The following SGCZ variants were observed in gnomAD, a reference collection of about 807,000 sequenced individuals.
The protein encoded by SGCZ is sarcoglycan zeta.
SGCZ carries 40 observed loss-of-function variants against 41.3 expected under a neutral mutation model. That is an observed-to-expected ratio of 0.97 (90% CI 0.75 to 1.26). The LOEUF (loss-of-function observed/expected upper bound fraction) is 1.26, where lower values mean the gene tolerates loss of function less well. SGCZ is among the 50% of genes most tolerant of loss of function. The probability of loss-of-function intolerance (pLI) is 0.00; values close to 1 mark genes in which losing one functional copy is unlikely to be tolerated. For synonymous variants in SGCZ, 206 were observed against 137.5 expected, an observed-to-expected ratio of 1.50 and a Z score of -3.49; for missense variants, 552 against 369.8, an observed-to-expected ratio of 1.49 and a Z score of -4.04.
At chr8:14,399,568 C>T (rs1799016172) in intron 2 of SGCZ, among the ~76,000 whole-genome samples, 1 of 152,006 alleles carries the variant, frequency 6.6e-6, no homozygotes, top group Non-Finnish European at 1.5e-5. Flanking sequence ...GAATCATTTT[C>T]CTTTAGACAG....
At chr8:14,381,806 AAAAC>A (rs1804377040) in intron 2 of SGCZ, among the ~76,000 whole-genome samples, 2 of 152,068 alleles carry the variant, frequency 1.3e-5, no homozygotes, top group South Asian at 4.1e-4. Context: ...CAAAAAACAA[AAAAC>A]AAACAAACAA....
At chr8:14,682,401 A>G (rs1455609595) in intron 1 of SGCZ, among the ~76,000 whole-genome samples, 1 of 151,974 alleles carries the variant, frequency 6.6e-6, no homozygotes, top group Non-Finnish European at 1.5e-5. Context: ...CTTAATTAAA[A>G]ATGCACATAC....
intron 4 of SGCZ, among the ~76,000 whole-genome samples, chr8:14,203,087 C>T (rs1238619540): frequency 5.3e-5 from 8 of 152,154 alleles, no homozygotes; most frequent in Admixed American, 3.9e-4. Context: ...TCGCCTTCCA[C>T]CATGATTGTG....
intron 1 of SGCZ, among the ~76,000 whole-genome samples, chr8:14,557,691 C>T (rs1804075459): frequency 6.6e-6 from 1 of 151,968 alleles, no homozygotes; most frequent in South Asian, 2.1e-4. Context: ...TGTCCTTTCC[C>T]TACTTCGTGT....
intron 1 of SGCZ, among the ~76,000 whole-genome samples, chr8:15,217,308 T>C (rs1801437463): frequency 1.3e-5 from 2 of 151,454 alleles, no homozygotes; most frequent in African/African-American, 4.9e-5. Context: ...TCCCAGCTAC[T>C]TGGGAGGCTG....
intron 1 of SGCZ, among the ~76,000 whole-genome samples, chr8:15,004,064 T>C (rs549289677): frequency 3.3e-5 from 5 of 151,918 alleles, no homozygotes; most frequent in Non-Finnish European, 7.4e-5. Flanking sequence ...ATGTGCATGC[T>C]ACATGTGAAC....
intron 2 of SGCZ, among the ~76,000 whole-genome samples, chr8:14,425,002 A>T (rs936021898): frequency 6.6e-6 from 1 of 152,172 alleles, no homozygotes; most frequent in Non-Finnish European, 1.5e-5. Flanking sequence ...TGAAATTTTC[A>T]TGACTTCGTT....
chr8:14,199,704 T>C (rs568259968), intron 4 of SGCZ, among the ~76,000 whole-genome samples: 157 of 152,152 alleles, frequency 1.0e-3, no homozygotes, highest in African/African-American at 3.6e-3. Flanking sequence ...TTAGGGAAAA[T>C]AGAAAAGAAC....
intron 1 of SGCZ, among the ~76,000 whole-genome samples, chr8:14,936,229 G>T (rs1250213964): frequency 6.6e-6 from 1 of 151,812 alleles, no homozygotes; most frequent in Non-Finnish European, 1.5e-5. Flanking sequence ...ACACACAGAT[G>T]CTCCTTGACT....
chr8:15,077,438 C>A (rs1364652288), intron 1 of SGCZ, among the ~76,000 whole-genome samples: 2 of 152,182 alleles, frequency 1.3e-5, no homozygotes, highest in Non-Finnish European at 2.9e-5. Context: ...ATTAGATTAG[C>A]AAAAGCACTA....
At chr8:14,642,182 T>C (rs1380007257) in intron 1 of SGCZ, among the ~76,000 whole-genome samples, 1 of 151,672 alleles carries the variant, frequency 6.6e-6, no homozygotes, top group East Asian at 1.9e-4. Flanking sequence ...CGTGAATATT[T>C]CCTTGTCCTC....
chr8:14,816,663 C>G (rs1433514304), intron 1 of SGCZ, among the ~76,000 whole-genome samples: 1 of 114,376 alleles, frequency 8.7e-6, no homozygotes, highest in Admixed American at 8.9e-5. Flanking sequence ...AAGAAATTAA[C>G]CATGTTAAAA....
At chr8:14,308,023 G>A (rs1473331853) in intron 3 of SGCZ, among the ~76,000 whole-genome samples, 2 of 152,004 alleles carry the variant, frequency 1.3e-5, no homozygotes, top group African/African-American at 4.8e-5. Context: ...ACCAAGGAAA[G>A]AACTTTCATA....
intron 1 of SGCZ, among the ~76,000 whole-genome samples, chr8:14,894,565 A>G (rs1422123334): frequency 6.6e-6 from 1 of 152,252 alleles, no homozygotes; most frequent in South Asian, 2.1e-4. Flanking sequence ...TTTGCTTCAG[A>G]TGATCACTGG....
chr8:15,101,056 T>C (rs1009471739), intron 1 of SGCZ, among the ~76,000 whole-genome samples: 3 of 152,042 alleles, frequency 2.0e-5, no homozygotes, highest in East Asian at 3.9e-4. Flanking sequence ...AACATCCACA[T>C]GCAAAATTGA....
intron 1 of SGCZ, among the ~76,000 whole-genome samples, chr8:14,595,723 G>T (rs962986626): frequency 6.6e-6 from 1 of 152,026 alleles, no homozygotes; most frequent in South Asian, 2.1e-4. Context: ...AATGCCTTCA[G>T]GGAAAAAAAT....
intron 2 of SGCZ, among the ~76,000 whole-genome samples, chr8:14,493,549 G>T (rs546408642): frequency 6.6e-6 from 1 of 150,858 alleles, no homozygotes; most frequent in Non-Finnish European, 1.5e-5. Flanking sequence ...TGTATTTTTA[G>T]TAGAGATGGG....
intron 5 of SGCZ, among the ~76,000 whole-genome samples, chr8:14,114,164 C>G (rs964375460): frequency 3.3e-5 from 5 of 151,934 alleles, no homozygotes; most frequent in Non-Finnish European, 5.9e-5. Flanking sequence ...ATCATGGATT[C>G]TGCTACATAG....
chr8:14,245,859 CT>C (rs755510275), intron 3 of SGCZ, among the ~76,000 whole-genome samples: 21 of 152,306 alleles, frequency 1.4e-4, no homozygotes, highest in Non-Finnish European at 1.2e-4. Context: ...CTCATCATCA[CT>C]GGCCATCAGA....
Sources: gnomAD v4.1 joint callset for allele counts (sites outside exome capture counted in the v4.1 genomes callset) on GRCh38, gnomAD v4.1.1 for gene constraint, MANE v1.5 for transcripts, NCBI Gene and HGNC (gene_info 2026-07-23, HGNC 2026-07-21) for gene names.